The following DNA2 variants were observed in gnomAD, a reference collection of about 807,000 sequenced individuals.
The protein encoded by DNA2 is DNA replication ATP-dependent helicase/nuclease DNA2.
In DNA2, 101 loss-of-function variants were observed where a neutral mutation model predicts 119.1. The observed-to-expected ratio is 0.85, with a 90% CI of 0.72 to 1.00. DNA2 has a LOEUF of 1.00. DNA2 is among the 50% of genes least tolerant of loss of function. The probability of loss-of-function intolerance (pLI) is 0.00; values close to 1 mark genes in which losing one functional copy is unlikely to be tolerated. For synonymous variants in DNA2, 366 were observed against 424.4 expected, an observed-to-expected ratio of 0.86 and a Z score of 1.69; for missense variants, 1,121 against 1,255.5, an observed-to-expected ratio of 0.89 and a Z score of 1.62.
chr10:68,426,404 GGCT>G (rs2051741543), intron 14 of DNA2, among the ~76,000 whole-genome samples: 1 of 150,386 alleles, frequency 6.6e-6, no homozygotes, highest in South Asian at 2.1e-4. Context: ...CAGGTATGGT[GGCT>G]CATGCCTGTA....
chr10:68,424,731 G>C, intron 14 of DNA2: 1 of 1,573,060 alleles, frequency 6.4e-7, no homozygotes, highest in African/African-American at 1.3e-5. Context: ...GGTCCAGGTA[G>C]TTCAAGGACA....
chr10:68,448,480 C>T (rs2052070978), intron 6 of DNA2, among the ~76,000 whole-genome samples: 1 of 152,036 alleles, frequency 6.6e-6, no homozygotes, highest in South Asian at 2.1e-4. Flanking sequence ...TCCTCATACC[C>T]AACATAATAA....
chr10:68,456,417 A>G (rs2052182731), intron 5 of DNA2, among the ~76,000 whole-genome samples: 1 of 152,108 alleles, frequency 6.6e-6, no homozygotes, highest in Non-Finnish European at 1.5e-5. Context: ...CAAATCTTAA[A>G]GCATTTTTGT....
chr10:68,471,575 T>C (rs2052381577), intron 1 of DNA2, among the ~76,000 whole-genome samples: 1 of 152,056 alleles, frequency 6.6e-6, no homozygotes, highest in African/African-American at 2.4e-5. Flanking sequence ...AATGAACTGC[T>C]CGGCGAGGGA....
chr10:68,442,616 A>C (rs2051984812), intron 9 of DNA2, among the ~76,000 whole-genome samples: 1 of 152,180 alleles, frequency 6.6e-6, no homozygotes. Context: ...CAAACTCTTG[A>C]CCTCAGGTGA....
At position 68,414,067 on chromosome 10, in the gene DNA2, A is replaced by G. The variant is rs2051557904; in HGVS notation, c.*972T>C. The G allele has an allele frequency of 6.6e-6, 1 of 151,904 alleles. No homozygotes were observed. The highest frequency in any genetic ancestry group is 1.5e-5 in the Non-Finnish European group (1 of 67,978). The allele number at this position is 151,904 out of a possible 1,614,324, so 9.4% of individuals were successfully genotyped here. On this transcript the variant is annotated 3_prime_UTR_variant, in exon 21 of 21. Coordinates refer to ENST00000358410, the MANE Select transcript of DNA2 (RefSeq NM_001080449.3). Reference sequence around the variant, plus strand: ...ATAATAATTGACACAGTTAAGATCCATTAGTAGAAAAAATTTATTAAATAA... The same window carrying G: ...ATAATAATTGACACAGTTAAGATCCGTTAGTAGAAAAAATTTATTAAATAA...
chr10:68,434,493 A>C (rs1215519125), intron 10 of DNA2, among the ~76,000 whole-genome samples: 3 of 151,906 alleles, frequency 2.0e-5, no homozygotes, highest in Non-Finnish European at 4.4e-5. Context: ...CTCTACAAAA[A>C]ATTAAAAAAT....
intron 3 of DNA2, among the ~76,000 whole-genome samples, chr10:68,467,127 G>C (rs764065311): frequency 7.9e-5 from 12 of 152,070 alleles, no homozygotes; most frequent in Non-Finnish European, 1.3e-4. Context: ...ATTTTTGTTT[G>C]TTTTGAGACG....
At chr10:68,430,783 C>A (rs2051810370) in intron 13 of DNA2, 123 bp from the exon 14 acceptor site, 1 of 741,760 alleles carries the variant, frequency 1.3e-6, no homozygotes, top group East Asian at 2.7e-5. Context: ...AATTATGAAG[C>A]CAAAACATTT....
chr10:68,442,932 A>G lies in DNA2; in HGVS notation c.1400T>C (p.Met467Thr), dbSNP rs1251600368. The G allele has an allele frequency of 6.2e-7, 1 of 1,612,072 alleles. No individual in the cohort carries two copies. The highest frequency in any genetic ancestry group is 8.5e-7 in the Non-Finnish European group (1 of 1,179,240). Reference sequence around the variant, plus strand: ...GACCACTTACATTTCCGAAGCAGGCATTAGCCAGATATTTTGGTGATTCTT... The same window carrying G: ...GACCACTTACATTTCCGAAGCAGGCGTTAGCCAGATATTTTGGTGATTCTT... Reference protein sequence around the residue: ...NKKNHQNIWLMPASEMEKSGS... With the variant: ...NKKNHQNIWLTPASEMEKSGS... The change falls in exon 9 of 21, where the codon ATG (methionine) becomes ACG (threonine). Residue 467 changes from methionine to threonine, a missense_variant. By Grantham distance (81) the Met-to-Thr change is moderately conservative. Transcript: ENST00000358410.
At chr10:68,424,590 C>A (rs528008894) in intron 14 of DNA2, 26 of 1,166,998 alleles carry the variant, frequency 2.2e-5, no homozygotes, top group Non-Finnish European at 3.4e-5. Flanking sequence ...GAACTTGGAC[C>A]GCAGCAAAAA....
intron 14 of DNA2, among the ~76,000 whole-genome samples, chr10:68,426,242 A>C (rs1029448441): frequency 6.6e-6 from 1 of 152,086 alleles, no homozygotes; most frequent in Non-Finnish European, 1.5e-5. Context: ...TCCTCAAAAA[A>C]AAAAACCTTT....
At chr10:68,433,458 T>A (rs1298401657) in intron 10 of DNA2, among the ~76,000 whole-genome samples, 2 of 152,158 alleles carry the variant, frequency 1.3e-5, no homozygotes, top group Admixed American at 1.3e-4. Flanking sequence ...AAAATGCAAA[T>A]CCAATGATTA....
In DNA2 at chr10:68,445,087, T is replaced by C; in HGVS notation, c.1058-4A>G. 6.3e-7 allele frequency: 1 copy of C among 1,581,158 alleles called. No homozygotes were observed. The highest frequency in any genetic ancestry group is 2.3e-5 in the East Asian group (1 of 44,326). ...TGGTTTCTTAGCTTTAATAATTCTA[T>C]GAAAAAAAAGGTGAATGTCTTTTTA... On this transcript the variant is annotated splice_polypyrimidine_tract_variant and splice_region_variant and intron_variant, in intron 7 of 20. Transcript: ENST00000358410.
intron 10 of DNA2, among the ~76,000 whole-genome samples, chr10:68,434,479 C>G (rs116932517): frequency 0.016 from 2,363 of 151,972 alleles, 25 homozygotes; most frequent in Non-Finnish European, 0.025. Context: ...GAGACCCCCC[C>G]CATCTCTACA....
intron 1 of DNA2, chr10:68,470,706 A>T (rs914344950): frequency 5.3e-6 from 2 of 376,158 alleles, no homozygotes; most frequent in Non-Finnish European, 1.0e-5. Flanking sequence ...TACAAGTAAA[A>T]GGAGATGTTT....
At chr10:68,447,976 C>T (rs1342391435) in intron 6 of DNA2, among the ~76,000 whole-genome samples, 4 of 68,380 alleles carry the variant, frequency 5.8e-5, no homozygotes, top group African/African-American at 1.3e-4. Flanking sequence ...AGTGAGACTC[C>T]GTCTCAAAAA....
At chr10:68,442,369 C>T (rs1166026095) in intron 9 of DNA2, among the ~76,000 whole-genome samples, 1 of 151,796 alleles carries the variant, frequency 6.6e-6, no homozygotes, top group African/African-American at 2.4e-5. Flanking sequence ...AAGGCGCCTG[C>T]CACCACGCCC....
At chr10:68,436,581 AT>A (rs2051890944) in intron 10 of DNA2, among the ~76,000 whole-genome samples, 1 of 152,244 alleles carries the variant, frequency 6.6e-6, no homozygotes, top group Admixed American at 6.6e-5. Flanking sequence ...ATTTTGTTAT[AT>A]GAATTTTACC....
Sources: allele counts gnomAD v4.1 joint callset (sites outside exome capture counted in the v4.1 genomes callset), GRCh38; gene constraint gnomAD v4.1.1; transcripts MANE v1.5; gene names NCBI Gene and HGNC (gene_info 2026-07-23, HGNC 2026-07-21).